Variants in PRKN observed in about 807,000 individuals in gnomAD.
PRKN encodes the protein E3 ubiquitin-protein ligase parkin.
Under a neutral mutation model 59.5 loss-of-function variants are expected in PRKN, and 56 were observed. That is an observed-to-expected ratio of 0.94 (90% confidence interval 0.76 to 1.18). The LOEUF is 1.18. Ranked by LOEUF, PRKN falls within the 50% of genes most tolerant of loss-of-function variation. The probability of loss-of-function intolerance (pLI) is 0.00; values close to 1 mark genes in which losing one functional copy is unlikely to be tolerated. For synonymous variants in PRKN, 250 were observed against 222.1 expected (o/e 1.13, Z -1.12); for missense variants, 657 against 596.4 (o/e 1.10, Z -1.06).
chr6:162,226,484 G>A (rs1349814015), intron 3 of PRKN, among the ~76,000 whole-genome samples: 1 of 152,180 alleles, frequency 6.6e-6, no homozygotes, highest in African/African-American at 2.4e-5. Flanking sequence ...GAGAAATTCT[G>A]CAAAGACATT....
chr6:161,852,864 G>C (rs978061906), intron 6 of PRKN, among the ~76,000 whole-genome samples: 2 of 152,150 alleles, frequency 1.3e-5, no homozygotes, highest in African/African-American at 2.4e-5. Context: ...CAGTTAACAG[G>C]ATTCAGAGTG....
intron 9 of PRKN, among the ~76,000 whole-genome samples, chr6:161,520,605 T>C (rs186456532): frequency 1.3e-5 from 2 of 152,302 alleles, no homozygotes; most frequent in South Asian, 2.1e-4. Flanking sequence ...TAGTAGTTAA[T>C]AGCTAAATAT....
At chr6:161,696,549 A>T (rs1786029917) in intron 7 of PRKN, among the ~76,000 whole-genome samples, 1 of 152,204 alleles carries the variant, frequency 6.6e-6, no homozygotes, top group Non-Finnish European at 1.5e-5. Flanking sequence ...ATTGGTAATA[A>T]CATATATTTA....
chr6:162,235,774 G>T (rs7759824), intron 3 of PRKN, among the ~76,000 whole-genome samples: 1 of 150,472 alleles, frequency 6.6e-6, no homozygotes, highest in African/African-American at 2.5e-5. Flanking sequence ...TTGCACTCTA[G>T]CCTGGGTGAC....
chr6:161,478,145 T>C (rs575934461), intron 9 of PRKN, among the ~76,000 whole-genome samples: 15 of 152,168 alleles, frequency 9.9e-5, no homozygotes, highest in Non-Finnish European at 1.8e-4. Flanking sequence ...AATGACAATA[T>C]GATTTATTGT....
At chr6:162,449,296 C>T (rs568163881) in intron 1 of PRKN, among the ~76,000 whole-genome samples, 3 of 152,294 alleles carry the variant, frequency 2.0e-5, no homozygotes, top group African/African-American at 7.2e-5. Flanking sequence ...AGTGCTTTGC[C>T]TTATTCCTAC....
chr6:161,661,565 T>TC (rs1784547277), intron 7 of PRKN, among the ~76,000 whole-genome samples: 1 of 152,000 alleles, frequency 6.6e-6, no homozygotes, highest in African/African-American at 2.4e-5. Flanking sequence ...ATTTTTTTTT[T>TC]TTCTGTAGCA....
chr6:161,899,946 A>C (rs1777821507), intron 6 of PRKN, among the ~76,000 whole-genome samples: 1 of 151,850 alleles, frequency 6.6e-6, no homozygotes, highest in Admixed American at 6.6e-5. Context: ...ACATGATCAA[A>C]CCCTGTCTCT....
chr6:162,239,470 C>T (rs554761731), intron 3 of PRKN, among the ~76,000 whole-genome samples: 92 of 151,984 alleles, frequency 6.1e-4, no homozygotes, highest in Middle Eastern at 3.4e-3. Context: ...AATAGAGGCC[C>T]GGCATGGTTA....
intron 9 of PRKN, among the ~76,000 whole-genome samples, chr6:161,504,014 A>G (rs1037224429): frequency 1.3e-5 from 2 of 152,208 alleles, no homozygotes; most frequent in East Asian, 3.8e-4. Flanking sequence ...TTATTATGAT[A>G]GTGTTAGGTC....
Position 161,411,985 on chromosome 6 carries a change from T to C in PRKN, c.1084-25108A>G, listed in dbSNP as rs111210757. 7.4e-4 allele frequency among the ~76,000 whole-genome samples: 40 copies of C among 53,962 alleles called. No individual in the cohort carries two copies. The East Asian group carries it at 0.091, about 123-fold the overall frequency. The allele number at this position is 53,962 out of a possible 152,430, so 35.4% of individuals were successfully genotyped here. On this transcript the variant is annotated intron_variant, in intron 9 of 11. Coordinates refer to ENST00000366898, the MANE Select transcript of PRKN (RefSeq NM_004562.3). ...TCCTTCCTCACCCATTCCTTCCTCA[T>C]TCATTCCTTCCTCACTCATTCCTCC...
At chr6:162,266,598 A>G (rs1420864713) in intron 2 of PRKN, 1 of 152,188 alleles carries the variant, frequency 6.6e-6, no homozygotes, top group Non-Finnish European at 1.5e-5. Context: ...ACAAGAAAGA[A>G]AGGACACAGA....
chr6:162,395,427 G>T (rs1244327553), intron 2 of PRKN, among the ~76,000 whole-genome samples: 2 of 152,154 alleles, frequency 1.3e-5, no homozygotes, highest in Non-Finnish European at 2.9e-5. Context: ...ATGCACTTCA[G>T]TTTGCCACAG....
chr6:162,467,492 C>G (rs555775233), intron 1 of PRKN, among the ~76,000 whole-genome samples: 1 of 152,118 alleles, frequency 6.6e-6, no homozygotes, highest in Non-Finnish European at 1.5e-5. Context: ...ATTTAGCGAT[C>G]GTCATCAGTG....
intron 1 of PRKN, among the ~76,000 whole-genome samples, chr6:162,468,862 C>A (rs1478799630): frequency 1.3e-5 from 2 of 152,216 alleles, no homozygotes; most frequent in East Asian, 3.9e-4. Flanking sequence ...ACAGAATGTA[C>A]TTCTATCAAA....
intron 1 of PRKN, among the ~76,000 whole-genome samples, chr6:162,541,260 G>T (rs1452435826): frequency 6.6e-6 from 1 of 152,230 alleles, no homozygotes; most frequent in Non-Finnish European, 1.5e-5. Flanking sequence ...TGAGTGCGTG[G>T]TGCATCATTT....
intron 2 of PRKN, among the ~76,000 whole-genome samples, chr6:162,400,560 A>C (rs1197480359): frequency 6.6e-6 from 1 of 152,036 alleles, no homozygotes; most frequent in Admixed American, 6.6e-5. Context: ...TGTTCTCAAA[A>C]TTTTTTGGAA....
chr6:161,496,030 T>C (rs1777736789), intron 9 of PRKN, among the ~76,000 whole-genome samples: 1 of 152,254 alleles, frequency 6.6e-6, no homozygotes, highest in Admixed American at 6.5e-5. Context: ...GACCATCTTC[T>C]GGGCACTTGG....
chr6:161,609,457 C>T (rs972351930), intron 7 of PRKN, among the ~76,000 whole-genome samples: 2 of 151,724 alleles, frequency 1.3e-5, no homozygotes, highest in African/African-American at 4.8e-5. Context: ...GGTGAAACTA[C>T]AAAAGAATGA....
Sources: gnomAD v4.1 joint callset for allele counts (sites outside exome capture counted in the v4.1 genomes callset) on GRCh38, gnomAD v4.1.1 for gene constraint, MANE v1.5 for transcripts, NCBI Gene and HGNC (gene_info 2026-07-23, HGNC 2026-07-21) for gene names.